Variants in RNF150 observed in about 807,000 individuals in gnomAD.
RNF150 encodes the protein ring finger protein 150.
In RNF150, 24 loss-of-function variants were observed where a neutral mutation model predicts 39.3. The ratio of observed to expected loss-of-function variants is 0.61; its 90% CI spans 0.44 to 0.86. The LOEUF (loss-of-function observed/expected upper bound fraction) is 0.86, where lower values mean the gene tolerates loss of function less well. Ranked by LOEUF, RNF150 falls within the 40% of genes least tolerant of loss-of-function variation. RNF150 has a pLI of 0.00. For synonymous variants in RNF150, 255 were observed against 227.3 expected, an observed-to-expected ratio of 1.12 and a Z score of -1.10; for missense variants, 502 against 587.8, an observed-to-expected ratio of 0.85 and a Z score of 1.51.
chr4:140,985,736 T>C (rs1166048482), intron 1 of RNF150, among the ~76,000 whole-genome samples: 1 of 152,144 alleles, frequency 6.6e-6, no homozygotes. Context: ...TATTTTTATA[T>C]TGATTAAATT....
rs894162259 is a variant in RNF150 at position 140,866,275 on chromosome 4, C to T, written c.*1986G>A. 1 of 152,206 alleles carries T rather than the reference C, an allele frequency of 6.6e-6. No individual in the cohort carries two copies. The highest frequency in any genetic ancestry group is 1.5e-5 in the Non-Finnish European group (1 of 68,048). 9.4% of individuals were successfully genotyped at this position (152,206 alleles called of 1,614,324 possible). A position where few individuals can be genotyped will look rare whatever the true frequency, so the allele number is the denominator to read the frequency against. The stretch of plus-strand genomic sequence containing the variant: ...TCATAGCTATCTGCAAAAATGGATC[C>T]TGCCTCTGAAAGACTCATCTGTGGT... On this transcript the variant is annotated 3_prime_UTR_variant, in exon 7 of 7. Coordinates refer to ENST00000515673, the MANE Select transcript of RNF150 (RefSeq NM_020724.2).
At chr4:141,014,921 A>G (rs4266354) in intron 1 of RNF150, among the ~76,000 whole-genome samples, 80,554 of 151,410 alleles carry the variant, frequency 0.53, 22,939 homozygotes, top group Admixed American at 0.64. Context: ...CTTTTCCCCT[A>G]TGTTTTTTTT....
intron 1 of RNF150, among the ~76,000 whole-genome samples, chr4:141,064,489 G>C (rs1446757060): frequency 6.6e-6 from 1 of 152,074 alleles, no homozygotes; most frequent in Non-Finnish European, 1.5e-5. Context: ...TGTAGTTCCA[G>C]CTACTTGGGA....
At chr4:140,976,872 G>C (rs151183238) in intron 1 of RNF150, among the ~76,000 whole-genome samples, 18 of 151,856 alleles carry the variant, frequency 1.2e-4, no homozygotes, top group African/African-American at 4.3e-4. Context: ...TTTTTCACTT[G>C]AAATTTATGA....
At chr4:141,212,273 G>A (rs1303196526) in intron 1 of RNF150, among the ~76,000 whole-genome samples, 1 of 152,184 alleles carries the variant, frequency 6.6e-6, no homozygotes, top group African/African-American at 2.4e-5. Flanking sequence ...GCCAGGCACT[G>A]TGCTAGGTGT....
intron 1 of RNF150, among the ~76,000 whole-genome samples, chr4:141,009,638 TC>T (rs1224778944): frequency 2.6e-5 from 4 of 152,180 alleles, no homozygotes; most frequent in Non-Finnish European, 5.9e-5. Flanking sequence ...CCCATTGTCA[TC>T]CTATTTATTT....
intron 1 of RNF150, among the ~76,000 whole-genome samples, chr4:141,179,612 G>T (rs535632393): frequency 1.3e-5 from 2 of 152,210 alleles, no homozygotes; most frequent in East Asian, 3.9e-4. Flanking sequence ...GGGGAGATTT[G>T]TTTCCTGATT....
intron 1 of RNF150, among the ~76,000 whole-genome samples, chr4:141,206,971 G>C (rs994793246): frequency 6.6e-6 from 1 of 151,964 alleles, no homozygotes; most frequent in Non-Finnish European, 1.5e-5. Flanking sequence ...CCAAGGGCAG[G>C]AAGAATGGAA....
Position 140,881,298 on chromosome 4 carries a change from G to A in RNF150, c.1199-12919C>T, listed in dbSNP as rs191904380. Among the ~76,000 whole-genome samples the A allele has an allele frequency of 9.2e-5, 14 of 152,026 alleles. No individual in the cohort carries two copies. The East Asian group carries it at 2.5e-3, about 27-fold the overall frequency. ...ACACTTCAGCCTCTCAAGTAGCTGG[G>A]ACTAGAGGCATACATTATCACATCT... On this transcript the variant is annotated intron_variant, in intron 6 of 6. Coordinates refer to ENST00000515673, the MANE Select transcript of RNF150 (RefSeq NM_020724.2).
chr4:141,152,637 T>C (rs1203962925), intron 1 of RNF150, among the ~76,000 whole-genome samples: 2 of 152,176 alleles, frequency 1.3e-5, no homozygotes, highest in Admixed American at 6.5e-5. Flanking sequence ...TTATATTTAC[T>C]TTATCACCAT....
chr4:141,202,878 T>G (rs1728311551), intron 1 of RNF150, among the ~76,000 whole-genome samples: 1 of 151,842 alleles, frequency 6.6e-6, no homozygotes, highest in South Asian at 2.1e-4. Context: ...TTCCATTAAA[T>G]GGAATACTTG....
intron 1 of RNF150, among the ~76,000 whole-genome samples, chr4:141,096,742 A>G (rs560639295): frequency 2.0e-5 from 3 of 152,230 alleles, no homozygotes; most frequent in African/African-American, 7.2e-5. Context: ...TACTCTGAAC[A>G]AGGTAACACA....
chr4:140,893,708 T>C (rs927865258), intron 6 of RNF150, among the ~76,000 whole-genome samples: 1 of 152,192 alleles, frequency 6.6e-6, no homozygotes, highest in African/African-American at 2.4e-5. Flanking sequence ...ATAAGCCAGT[T>C]GTTCTGGCGG....
intron 1 of RNF150, among the ~76,000 whole-genome samples, chr4:140,977,889 T>G (rs946861333): frequency 2.0e-5 from 3 of 152,114 alleles, no homozygotes; most frequent in African/African-American, 7.2e-5. Context: ...GGCTCCAAAG[T>G]GTGTTCTATC....
chr4:141,098,696 T>C (rs1245286042), intron 1 of RNF150, among the ~76,000 whole-genome samples: 1 of 152,192 alleles, frequency 6.6e-6, no homozygotes, highest in Non-Finnish European at 1.5e-5. Context: ...AAAACAACAA[T>C]AAATTCAGGT....
rs1560678529 is a variant in RNF150, at chr4:140,999,969, G to GAAGAAGAAGAAGAAGAAGAAGAAGAAGAA, written c.485-32097_485-32096insTTCTTCTTCTTCTTCTTCTTCTTCTTCTT. Among the ~76,000 whole-genome samples, 45 of 31,048 alleles carry GAAGAAGAAGAAGAAGAAGAAGAAGAAGAA rather than the reference G, an allele frequency of 1.4e-3. 9 individuals are homozygous for GAAGAAGAAGAAGAAGAAGAAGAAGAAGAA. The highest frequency in any genetic ancestry group is 2.8e-3 in the African/African-American group (41 of 14,682). 20.4% of individuals were successfully genotyped at this position (31,048 alleles called of 152,430 possible). On this transcript the variant is annotated intron_variant, in intron 1 of 6. Coordinates refer to ENST00000515673, the MANE Select transcript of RNF150 (RefSeq NM_020724.2). ...AGAAGAAGAAGAAGAAGAAGAAGAA[G>GAAGAAGAAGAAGAAGAAGAAGAAGAAGAA]AAGAAGAAAAGAAGAAAAGAAGAAA...
chr4:141,041,433 C>T (rs1326467796), intron 1 of RNF150, among the ~76,000 whole-genome samples: 1 of 152,074 alleles, frequency 6.6e-6, no homozygotes, highest in Non-Finnish European at 1.5e-5. Flanking sequence ...AAAACAAAAG[C>T]AGACAGAGGA....
intron 1 of RNF150, among the ~76,000 whole-genome samples, chr4:141,002,274 T>C (rs753946059): frequency 2.0e-5 from 3 of 152,144 alleles, no homozygotes; most frequent in Non-Finnish European, 4.4e-5. Context: ...CAAAGTAGTA[T>C]GTTACACAGT....
intron 6 of RNF150, among the ~76,000 whole-genome samples, chr4:140,886,991 G>A (rs1253481909): frequency 6.6e-6 from 1 of 152,082 alleles, no homozygotes; most frequent in Non-Finnish European, 1.5e-5. Context: ...AGTAGGAATT[G>A]TTCATTTTCC....
Sources: gnomAD v4.1 joint callset for allele counts (sites outside exome capture counted in the v4.1 genomes callset) on GRCh38, gnomAD v4.1.1 for gene constraint, MANE v1.5 for transcripts, NCBI Gene and HGNC (gene_info 2026-07-23, HGNC 2026-07-21) for gene names.